The following COLEC12 variants were observed in gnomAD, a reference collection of about 807,000 sequenced individuals.
COLEC12 encodes the protein collectin subfamily member 12, also known as collectin-12.
A neutral mutation model predicts 71.1 loss-of-function variants in COLEC12; 33 were observed. That is an observed-to-expected ratio of 0.46 (90% CI 0.35 to 0.62). The LOEUF is 0.62. Among genes scored for constraint, COLEC12 ranks in the 20% least tolerant of loss-of-function variants. The pLI is 0.00. For missense variants in COLEC12, 765 were observed against 916.1 expected, an observed-to-expected ratio of 0.84 and a Z score of 2.13; for synonymous variants, 350 against 353.0, an observed-to-expected ratio of 0.99 and a Z score of 0.10.
In COLEC12 at chr18:357,507, G is replaced by A; in HGVS notation, c.74C>T (p.Thr25Ile). ...GTTATTTTTACATTTGGTACATTGT[G>A]TTCCTTCCTGAATACCTGTAAGAGA... ...GYKRFGIQEG[T>I]QCTKCKNNWA... The change falls in exon 3 of 10, where the codon ACA becomes ATA. Residue 25 changes from threonine (T) to isoleucine (I), a missense_variant. Thr to Ile is a moderately conservative substitution (Grantham distance 89). Coordinates refer to ENST00000400256, the MANE Select transcript of COLEC12 (RefSeq NM_130386.3). 4 of 1,567,086 alleles carry A rather than the reference G, an allele frequency of 2.6e-6. No individual in the cohort carries two copies. The highest frequency in any genetic ancestry group is 3.5e-6 in the Non-Finnish European group (4 of 1,153,798).
intron 1 of COLEC12, among the ~76,000 whole-genome samples, chr18:494,234 A>G (rs909861671): frequency 2.0e-5 from 3 of 152,200 alleles, no homozygotes; most frequent in African/African-American, 7.2e-5. Context: ...ACACATTTGC[A>G]ATTTGAAAAT....
chr18:410,561 C>A (rs1375348154), intron 2 of COLEC12, among the ~76,000 whole-genome samples: 1 of 152,088 alleles, frequency 6.6e-6, no homozygotes, highest in African/African-American at 2.4e-5. Flanking sequence ...GCCTCAGCCA[C>A]CCGAGTAGCT....
At chr18:420,490 C>T (rs2846655) in intron 2 of COLEC12, among the ~76,000 whole-genome samples, 138,665 of 152,194 alleles carry the variant, frequency 0.91, 64,004 homozygotes, top group East Asian at 1. Context: ...TGTATAAATA[C>T]AGCAGAAACA....
intron 2 of COLEC12, among the ~76,000 whole-genome samples, chr18:359,103 A>T (rs1914689249): frequency 6.6e-6 from 1 of 152,220 alleles, no homozygotes; most frequent in African/African-American, 2.4e-5. Context: ...CAACAAAAAA[A>T]TCCTATTGAT....
intron 2 of COLEC12, among the ~76,000 whole-genome samples, chr18:465,965 T>C (rs909576084): frequency 3.3e-5 from 5 of 152,090 alleles, no homozygotes; most frequent in African/African-American, 1.2e-4. Flanking sequence ...TCCCAGCCAC[T>C]TGGGCGGCAG....
chr18:499,837 T>C (rs1917784720), intron 1 of COLEC12, among the ~76,000 whole-genome samples: 1 of 151,826 alleles, frequency 6.6e-6, no homozygotes, highest in African/African-American at 2.4e-5. Context: ...AGGGGGCGAC[T>C]AACCAGCTGA....
intron 2 of COLEC12, among the ~76,000 whole-genome samples, chr18:393,729 T>C (rs1392759066): frequency 1.3e-5 from 2 of 152,218 alleles, no homozygotes; most frequent in African/African-American, 4.8e-5. Context: ...GTAGCACTTA[T>C]CATAATATAT....
At chr18:415,303 C>T (rs1915965918) in intron 2 of COLEC12, among the ~76,000 whole-genome samples, 1 of 152,204 alleles carries the variant, frequency 6.6e-6, no homozygotes, top group Non-Finnish European at 1.5e-5. Context: ...AGAACGAGGG[C>T]TCCTACCTAG....
chr18:491,716 G>A (rs1917622570), intron 1 of COLEC12, among the ~76,000 whole-genome samples: 3 of 152,214 alleles, frequency 2.0e-5, no homozygotes, highest in African/African-American at 7.2e-5. Context: ...AGTAATGCGT[G>A]CTGCAGGTTC....
chr18:484,553 T>C (rs767574732), intron 1 of COLEC12, among the ~76,000 whole-genome samples: 3 of 152,248 alleles, frequency 2.0e-5, no homozygotes, highest in Non-Finnish European at 4.4e-5. Context: ...TATACAGAAG[T>C]GCCTTAAATC....
At position 346,113 on chromosome 18, in the gene COLEC12, C is replaced by T. The variant is rs1298879228; in HGVS notation, c.1327+182G>A. Among the ~76,000 whole-genome samples, 2 of 152,210 alleles carry T rather than the reference C, an allele frequency of 1.3e-5. No homozygotes were observed. The highest frequency in any genetic ancestry group is 2.9e-5 in the Non-Finnish European group (2 of 68,042). On this transcript the variant is annotated intron_variant, in intron 5 of 9. Transcript: ENST00000400256. This position sits in a 1 kb window ranked among gnomAD's most constrained non-coding sequence, Gnocchi z 4.0. ...AGATGACTGCAGCTCTGGCTGAGAT[C>T]TTGACACAACCTCATGAAAAACAGT...
chr18:338,198 C>T (rs1914161905), intron 5 of COLEC12, among the ~76,000 whole-genome samples: 1 of 152,220 alleles, frequency 6.6e-6, no homozygotes, highest in Non-Finnish European at 1.5e-5. Flanking sequence ...TCCTCCCAGG[C>T]CACTTCAGAT....
At chr18:348,034 G>T in intron 4 of COLEC12, 31 bp downstream of exon 4, 1 of 1,392,840 alleles carries the variant, frequency 7.2e-7, no homozygotes, top group South Asian at 1.2e-5. Flanking sequence ...AGAGTCAGGG[G>T]ATTTCATGGT....
At chr18:398,753 C>T (rs917938963) in intron 2 of COLEC12, among the ~76,000 whole-genome samples, 3 of 152,176 alleles carry the variant, frequency 2.0e-5, no homozygotes, top group Non-Finnish European at 2.9e-5. Context: ...ATATAAAGAA[C>T]AAGAAGCAAA....
At chr18:467,156 T>A (rs1917104843) in intron 2 of COLEC12, among the ~76,000 whole-genome samples, 1 of 152,236 alleles carries the variant, frequency 6.6e-6, no homozygotes, top group Non-Finnish European at 1.5e-5. Flanking sequence ...CCTTCCTTCA[T>A]TCTAATGCTG....
chr18:382,622 C>A (rs1313452758), intron 2 of COLEC12, among the ~76,000 whole-genome samples: 2 of 152,076 alleles, frequency 1.3e-5, no homozygotes, highest in East Asian at 3.9e-4. Context: ...CCCCCCGAGC[C>A]CTGGTTTCTT....
intron 3 of COLEC12, among the ~76,000 whole-genome samples, chr18:348,409 T>C (rs1914433935): frequency 6.6e-6 from 1 of 152,252 alleles, no homozygotes; most frequent in Non-Finnish European, 1.5e-5. Flanking sequence ...GATTCTGTAA[T>C]GCCTTGGATG....
intron 2 of COLEC12, among the ~76,000 whole-genome samples, chr18:468,104 A>C (rs1020464799): frequency 5.3e-5 from 8 of 152,170 alleles, no homozygotes; most frequent in African/African-American, 1.9e-4. Flanking sequence ...TCCACTAAAA[A>C]TACAAAAATT....
In COLEC12 at chr18:500,564, C is replaced by G. The variant is rs1299680480; in HGVS notation, c.-50G>C. On this transcript the variant is annotated 5_prime_UTR_variant, in exon 1 of 10. Transcript: ENST00000400256. This position sits in a 1 kb window ranked among gnomAD's most constrained non-coding sequence, Gnocchi z 5.3. ...GCCGGGGAGCTCCGCGCGAGCGCCG[C>G]GCAGCCGAGGAAGTCGTCCCGAGCG... 8.2e-7 allele frequency: 1 copy of G among 1,216,452 alleles called. No individual in the cohort carries two copies. Among genetic ancestry groups the G allele is most frequent in the African/African-American group, 1.6e-5 (1 of 63,572 alleles). The allele number at this position is 1,216,452 out of a possible 1,614,324, so 75.4% of individuals were successfully genotyped here. A position where few individuals can be genotyped will look rare whatever the true frequency, so the allele number is the denominator to read the frequency against.
Sources: gnomAD v4.1 joint callset for allele counts (sites outside exome capture counted in the v4.1 genomes callset) on GRCh38, gnomAD v4.1.1 for gene constraint, Gnocchi (gnomAD v3.1) non-coding constraint, MANE v1.5 for transcripts, NCBI Gene and HGNC (gene_info 2026-07-23, HGNC 2026-07-21) for gene names.